MSANTD2: variants seen among roughly 807,000 people sequenced by gnomAD.
MSANTD2 encodes myb/SANT-like DNA-binding domain-containing protein 2.
A neutral mutation model predicts 52.6 loss-of-function variants in MSANTD2; 19 were observed. That is an observed-to-expected ratio of 0.36 (90% CI 0.25 to 0.53). The LOEUF is 0.53. Ranked by LOEUF, MSANTD2 falls within the 20% of genes least tolerant of loss-of-function variation. The pLI, the probability that MSANTD2 is intolerant of heterozygous loss-of-function variation, is 0.91. For missense variants in MSANTD2, 558 were observed against 716.3 expected, an observed-to-expected ratio of 0.78 and a Z score of 2.52; for synonymous variants, 291 against 289.7, an observed-to-expected ratio of 1.00 and a Z score of -0.04.
At chr11:124,799,659 G>A (rs536379027) in intron 1 of MSANTD2, among the ~76,000 whole-genome samples, 1 of 152,326 alleles carries the variant, frequency 6.6e-6, no homozygotes, top group East Asian at 1.9e-4. Context: ...CGGCAGGCAC[G>A]CCCAACTTCA....
chr11:124,800,331 ATTT>A lies in MSANTD2; in HGVS notation c.47_49del (p.Lys16del), dbSNP rs1945660082. 6.4e-7 allele frequency: 1 copy of A among 1,559,824 alleles called. No homozygotes were observed. Among genetic ancestry groups the A allele is most frequent in the African/African-American group, 1.4e-5 (1 of 70,464 alleles). On this transcript the variant is annotated inframe_deletion, in exon 1 of 4. Coordinates refer to ENST00000374979, the MANE Select transcript of MSANTD2 (RefSeq NM_001308027.2). The surrounding 1 kb of genome is among the most constrained non-coding windows in gnomAD (Gnocchi z 4.3). ...CGGGGAAAGCACCTCCATCTTCGGA[ATTT>A]TTAGCGGCGAGTTGGCGGGCAGCTC...
At chr11:124,771,959 A>G (rs950773267) in intron 3 of MSANTD2, among the ~76,000 whole-genome samples, 22 of 152,190 alleles carry the variant, frequency 1.4e-4, no homozygotes, top group African/African-American at 5.3e-4. Context: ...ATTTTCGGTC[A>G]GTATATTCTC....
At chr11:124,791,661 G>A (rs1945335655) in intron 1 of MSANTD2, 5 of 1,405,376 alleles carry the variant, frequency 3.6e-6, no homozygotes, top group Non-Finnish European at 5.0e-6. Context: ...CCAGCATTTG[G>A]TGAGGGCATT....
chr11:124,799,449 G>GT (rs571043413), intron 1 of MSANTD2, among the ~76,000 whole-genome samples: 1 of 151,754 alleles, frequency 6.6e-6, no homozygotes, highest in African/African-American at 2.4e-5. Context: ...GGGGCTCAAT[G>GT]CCCCCCCCTT....
At chr11:124,776,719 T>C (rs1008934135) in intron 1 of MSANTD2, among the ~76,000 whole-genome samples, 6 of 152,212 alleles carry the variant, frequency 3.9e-5, no homozygotes, top group Non-Finnish European at 7.3e-5. Flanking sequence ...AAGCACGACA[T>C]GTGTGATGAT....
At position 124,786,095 on chromosome 11, in the gene MSANTD2, C is replaced by CTT. The variant is rs200399771; in HGVS notation, c.511-11123_511-11122dup. The stretch of plus-strand genomic sequence containing the variant: ...TGCTATTTGCCCTGCATCATTTCTT[C>CTT]TTTTTTTTTTTTTTTTTTTTTTAGT... On this transcript the variant is annotated intron_variant, in intron 1 of 3. Transcript: ENST00000374979. Among the ~76,000 whole-genome samples, 262 of 114,302 alleles carry CTT rather than the reference C, an allele frequency of 2.3e-3. 2 individuals carry two copies. Among genetic ancestry groups the CTT allele is most frequent in the African/African-American group, 5.8e-3 (174 of 29,858 alleles). 75.0% of individuals were successfully genotyped at this position (114,302 alleles called of 152,430 possible).
chr11:124,795,255 A>AATC (rs1181150333), intron 1 of MSANTD2, among the ~76,000 whole-genome samples: 1 of 152,178 alleles, frequency 6.6e-6, no homozygotes, highest in Admixed American at 6.5e-5. Flanking sequence ...GGTCACATTC[A>AATC]ATCACCTTGC....
intron 1 of MSANTD2, among the ~76,000 whole-genome samples, chr11:124,776,760 A>G (rs1375378903): frequency 6.6e-6 from 1 of 152,240 alleles, no homozygotes; most frequent in Non-Finnish European, 1.5e-5. Flanking sequence ...GCAACAATTA[A>G]GAGTCTCCCA....
chr11:124,774,988 T>C lies in MSANTD2; in HGVS notation c.511-14A>G. ...CCTGCGAAGGGTCTAAGACACAAAG[T>C]CTTTTGTTATTCCTTTAAAGCTGTA... On this transcript the variant is annotated splice_polypyrimidine_tract_variant and intron_variant, in intron 1 of 3. Transcript: ENST00000374979. The surrounding 1 kb of genome is among the most constrained non-coding windows in gnomAD (Gnocchi z 5.1). 1 of 1,536,140 alleles carries C rather than the reference T, an allele frequency of 6.5e-7. No individual in the cohort carries two copies. The highest frequency in any genetic ancestry group is 1.2e-5 in the South Asian group (1 of 84,208).
chr11:124,781,652 CTTTTTTTT>C (rs571106311), intron 1 of MSANTD2, among the ~76,000 whole-genome samples: 1 of 134,212 alleles, frequency 7.5e-6, no homozygotes, highest in Non-Finnish European at 1.6e-5. Flanking sequence ...TCATCAATGT[CTTTTTTTT>C]TTTTTTTTTT....
Position 124,788,811 on chromosome 11 carries a change from A to G in MSANTD2, c.510+11060T>C, listed in dbSNP as rs117524116. Among the ~76,000 whole-genome samples the G allele has an allele frequency of 8.3e-4, 126 of 152,346 alleles. 1 individual carries two copies. The East Asian group carries it at 0.019, about 22-fold the overall frequency. ...AAAGGAATGATATAAAATCATGTAAATCATTCTTAATATAACAATAGCAAA... is the reference window on the plus strand; with the variant it reads ...AAAGGAATGATATAAAATCATGTAAGTCATTCTTAATATAACAATAGCAAA... On this transcript the variant is annotated intron_variant, in intron 1 of 3. Transcript: ENST00000374979.
At chr11:124,784,659 A>G (rs1945101871) in intron 1 of MSANTD2, 1 of 984,814 alleles carries the variant, frequency 1.0e-6, no homozygotes, top group South Asian at 4.7e-5. Flanking sequence ...TGACCATGTG[A>G]TTCTCTCAGT....
In MSANTD2 at chr11:124,800,051, G is replaced by A. The variant is rs774952973; in HGVS notation, c.330C>T (p.Asn110=). 5 of 1,561,830 alleles carry A rather than the reference G, an allele frequency of 3.2e-6. No individual in the cohort carries two copies. The highest frequency in any genetic ancestry group is 3.5e-5 in the Admixed American group (2 of 56,522). The change falls in exon 1 of 4, where the codon AAC becomes AAT. Residue 110 remains asparagine, a synonymous_variant. Coordinates refer to ENST00000374979, the MANE Select transcript of MSANTD2 (RefSeq NM_001308027.2). This position sits in a 1 kb window ranked among gnomAD's most constrained non-coding sequence, Gnocchi z 4.3. ...CGTTGCCCCACACTGCGATGAGCGC[G>A]TTCGTCTCGGCTGGCGTCCACGACA... ...RGMSWTPAET[N]ALIAVWGNER... is the part of the protein sequence containing the mutation.
intron 1 of MSANTD2, among the ~76,000 whole-genome samples, chr11:124,796,080 G>C (rs993987840): frequency 1.3e-5 from 2 of 152,192 alleles, no homozygotes; most frequent in Non-Finnish European, 2.9e-5. Context: ...AAAATCTTGT[G>C]TGCTTAGAAA....
chr11:124,783,818 ATCT>A, intron 1 of MSANTD2: 1 of 985,378 alleles, frequency 1.0e-6, no homozygotes, highest in Non-Finnish European at 1.2e-6. Context: ...AAAAACAAAC[ATCT>A]TCCATGGCTC....
intron 1 of MSANTD2, chr11:124,789,878 T>C (rs1197759768): frequency 6.6e-6 from 1 of 152,222 alleles, no homozygotes; most frequent in African/African-American, 2.4e-5. Context: ...ATGGTAAATA[T>C]TAATAGCACA....
chr11:124,790,513 G>T (rs1184809319), intron 1 of MSANTD2: 2 of 152,192 alleles, frequency 1.3e-5, no homozygotes, highest in African/African-American at 4.8e-5. Flanking sequence ...CAGGTCCTCG[G>T]TTTTGATGTA....
chr11:124,772,845 A>G, intron 3 of MSANTD2, 149 bp downstream of exon 3: 1 of 589,290 alleles, frequency 1.7e-6, no homozygotes, highest in Non-Finnish European at 3.1e-6. Context: ...GCTTTAAGTG[A>G]GTCCCTGATT....
chr11:124,791,433 C>G, intron 1 of MSANTD2: 3 of 1,311,990 alleles, frequency 2.3e-6, no homozygotes, highest in Non-Finnish European at 3.3e-6. Flanking sequence ...GTGAGAAGCA[C>G]AGACTTCCGG....
Sources: gnomAD v4.1 joint callset for allele counts (sites outside exome capture counted in the v4.1 genomes callset) on GRCh38, gnomAD v4.1.1 for gene constraint, Gnocchi (gnomAD v3.1) non-coding constraint, MANE v1.5 for transcripts, NCBI Gene and HGNC (gene_info 2026-07-23, HGNC 2026-07-21) for gene names.